Variants in HIPK1 observed in about 807,000 individuals in gnomAD.
The protein encoded by HIPK1 is homeodomain-interacting protein kinase 1.
Under a neutral mutation model 117.1 loss-of-function variants are expected in HIPK1, and 28 were observed. That is an observed-to-expected ratio of 0.24 (90% CI 0.18 to 0.33). The LOEUF is 0.33. Ranked by LOEUF, HIPK1 falls within the 10% of genes least tolerant of loss-of-function variation. The pLI is 1.00. For synonymous variants in HIPK1, 605 were observed against 562.5 expected, an observed-to-expected ratio of 1.08 and a Z score of -1.07; for missense variants, 1,122 against 1,475.1, an observed-to-expected ratio of 0.76 and a Z score of 3.92.
intron 2 of HIPK1, among the ~76,000 whole-genome samples, chr1:113,942,160 G>C (rs571188606): frequency 3.3e-5 from 5 of 151,178 alleles, no homozygotes; most frequent in Non-Finnish European, 4.4e-5. Flanking sequence ...CTGGGGTCAA[G>C]TGATTTCTCC....
chr1:113,948,680 TG>T (rs1671144194), intron 2 of HIPK1, among the ~76,000 whole-genome samples: 1 of 151,984 alleles, frequency 6.6e-6, no homozygotes, highest in African/African-American at 2.4e-5. Context: ...TAGCTGCTTT[TG>T]TCACTCCAAA....
chr1:113,958,263 A>T lies in HIPK1; in HGVS notation c.1953A>T (p.Thr651=), dbSNP rs892709834. The T allele has an allele frequency of 8.7e-6, 14 of 1,614,054 alleles. No individual in the cohort carries two copies. The highest frequency in any genetic ancestry group is 1.2e-5 in the Non-Finnish European group (14 of 1,179,938). ...ICTQTDPFQQ[T]FIVCPPAFQT... is the part of the protein sequence containing the mutation. ...CTCAGACAGATCCATTCCAACAGAC[A>T]TTTATAGTATGTCCACCTGCGTTTC... Residue 651 remains threonine (T), a synonymous_variant, in exon 8 of 16, where the codon ACA becomes ACT. Coordinates refer to ENST00000426820, the MANE Select transcript of HIPK1 (RefSeq NM_198268.3).
At chr1:113,957,014 T>C in intron 6 of HIPK1, 110 bp from the exon 7 acceptor site, 2 of 975,246 alleles carry the variant, frequency 2.1e-6, no homozygotes, top group Non-Finnish European at 1.5e-6. Context: ...TTGATTTATT[T>C]TATCTGAAAG....
intron 9 of HIPK1, 124 bp downstream of exon 9, chr1:113,962,562 T>TA: frequency 1.1e-6 from 1 of 916,720 alleles, no homozygotes; most frequent in East Asian, 2.9e-5. Context: ...TCAGTGGACT[T>TA]AAAATGAAAC....
In HIPK1 at chr1:113,940,542, A is replaced by G. The variant is rs1670580398; in HGVS notation, c.159A>G (p.Gln53=). ...ACAGCAAAACCCTCCCAGCCACACA[A>G]GGGCAAGCCAACTCCTCTCACCAGG... ...YTHSKTLPAT[Q]GQANSSHQVA... Residue 53 remains glutamine, a synonymous_variant, in exon 2 of 16, where the codon CAA becomes CAG. Coordinates refer to ENST00000426820, the MANE Select transcript of HIPK1 (RefSeq NM_198268.3). The G allele has an allele frequency of 6.2e-7, 1 of 1,614,050 alleles. No homozygotes were observed. The highest frequency in any genetic ancestry group is 1.3e-5 in the African/African-American group (1 of 74,916).
In HIPK1 at chr1:113,940,593, C is replaced by T. The variant is rs370037970; in HGVS notation, c.210C>T (p.Tyr70=). The T allele has an allele frequency of 1.5e-5, 25 of 1,614,064 alleles. No homozygotes were observed. The highest frequency in any genetic ancestry group is 1.1e-4 in the East Asian group (5 of 44,904). ...TAGCAAATTTCAACATCCCTGCTTA[C>T]GACCAGGGCCTCCTCCTCCCAGCTC... ...HQVANFNIPA[Y]DQGLLLPAPA... Residue 70 remains tyrosine, a synonymous_variant, in exon 2 of 16, where the codon TAC becomes TAT. Transcript: ENST00000426820.
Position 113,974,807 on chromosome 1 carries a change from A to T in HIPK1, c.*1295A>T, listed in dbSNP as rs1468384714. 1.3e-5 allele frequency: 2 copies of T among 152,638 alleles called. No individual in the cohort carries two copies. Among genetic ancestry groups the T allele is most frequent in the Non-Finnish European group, 2.9e-5 (2 of 68,036 alleles). The allele number at this position is 152,638 out of a possible 1,614,324, so 9.5% of individuals were successfully genotyped here. A position where few individuals can be genotyped will look rare whatever the true frequency, so the allele number is the denominator to read the frequency against. On this transcript the variant is annotated 3_prime_UTR_variant, in exon 16 of 16. Coordinates refer to ENST00000426820, the MANE Select transcript of HIPK1 (RefSeq NM_198268.3). ...ATTGATTAGAAAAATATAACAAGCA[A>T]TTTTTCCTGCTAACCCAAAATGTTA...
intron 1 of HIPK1, among the ~76,000 whole-genome samples, chr1:113,931,563 CTG>C (rs1244541181): frequency 6.6e-6 from 1 of 152,148 alleles, no homozygotes; most frequent in Non-Finnish European, 1.5e-5. Context: ...TCTCTCGACA[CTG>C]TAGTTTTGTG....
Position 113,954,736 on chromosome 1 carries a change from A to T in HIPK1, c.1286A>T (p.Asp429Val). The T allele has an allele frequency of 2.5e-6, 4 of 1,614,048 alleles. No individual in the cohort carries two copies. The highest frequency in any genetic ancestry group is 3.4e-6 in the Non-Finnish European group (4 of 1,179,954). Residue 429 changes from aspartate to valine, a missense_variant, in exon 4 of 16, where the codon GAT (aspartate) becomes GTT (valine). By Grantham distance (152) the Asp-to-Val change is radical. Transcript: ENST00000426820. ...GTKTTRFFNR[D>V]PNLGYPLWRL... ...AAAACAACCAGGTTTTTCAACAGAG[A>T]TCCTAATTTGGGGTACCCACTGTGG...
At position 113,935,008 on chromosome 1, in the gene HIPK1, AG is replaced by A. The variant is rs376533714; in HGVS notation, c.-2-5373del. ...CTGTCTCAAAAAAAAAAAAAAAAAAAGAATCAGCTGTTTTTTTTTTTTAAAC... is the reference window on the plus strand; with the variant it reads ...CTGTCTCAAAAAAAAAAAAAAAAAAAAATCAGCTGTTTTTTTTTTTTAAAC... On this transcript the variant is annotated intron_variant, in intron 1 of 15. Transcript: ENST00000426820. Among the ~76,000 whole-genome samples, 9 of 147,336 alleles carry A rather than the reference AG, an allele frequency of 6.1e-5. No homozygotes were observed. The East Asian group carries it at 9.9e-4, about 16-fold the overall frequency.
chr1:113,953,302 C>A (rs912872477), intron 3 of HIPK1, among the ~76,000 whole-genome samples: 2 of 152,078 alleles, frequency 1.3e-5, no homozygotes, highest in Admixed American at 6.6e-5. Context: ...TTTCTTCAGA[C>A]TGAAACACTT....
intron 1 of HIPK1, among the ~76,000 whole-genome samples, chr1:113,935,088 A>G (rs902607792): frequency 2.0e-5 from 3 of 149,670 alleles, no homozygotes; most frequent in African/African-American, 7.4e-5. Flanking sequence ...GGTAATCTAT[A>G]TGTCACAGGG....
In HIPK1 at chr1:113,973,326, T is replaced by G. The variant is rs1181518263; in HGVS notation, c.3447T>G (p.Pro1149=). ...ATGCTGCAGCCTATACCACTCACCC[T>G]AGCACTTTGGTGCACCAGGTCCCTG... ...SRHAAAYTTH[P]STLVHQVPVS... is the part of the protein sequence containing the mutation. Residue 1149 remains proline (P), a synonymous_variant, in exon 16 of 16, where the codon CCT becomes CCG. Transcript: ENST00000426820. 6.2e-7 allele frequency: 1 copy of G among 1,614,120 alleles called. No individual in the cohort carries two copies. Among genetic ancestry groups the G allele is most frequent in the Non-Finnish European group, 8.5e-7 (1 of 1,180,012 alleles).
intron 1 of HIPK1, among the ~76,000 whole-genome samples, chr1:113,930,251 C>A (rs1255302650): frequency 6.6e-6 from 1 of 152,258 alleles, no homozygotes; most frequent in Non-Finnish European, 1.5e-5. Flanking sequence ...CGTCTCCTCA[C>A]TCGGCCGGTT....
Position 113,975,512 on chromosome 1 carries a change from A to G in HIPK1, c.*2000A>G, listed in dbSNP as rs1397607062. 1 of 152,758 alleles carries G rather than the reference A, an allele frequency of 6.5e-6. No homozygotes were observed. Among genetic ancestry groups the G allele is most frequent in the Non-Finnish European group, 1.5e-5 (1 of 68,044 alleles). The allele number at this position is 152,758 out of a possible 1,614,324, so 9.5% of individuals were successfully genotyped here. A position where few individuals can be genotyped will look rare whatever the true frequency, so the allele number is the denominator to read the frequency against. ...TTAAAGTATGTGCAATCACTTTTAGAATGAATTTTTTTTTCCTTTTCCCAT... is the reference window on the plus strand; with the variant it reads ...TTAAAGTATGTGCAATCACTTTTAGGATGAATTTTTTTTTCCTTTTCCCAT... On this transcript the variant is annotated 3_prime_UTR_variant, in exon 16 of 16. Transcript: ENST00000426820.
intron 1 of HIPK1, among the ~76,000 whole-genome samples, chr1:113,935,396 T>G (rs1416568291): frequency 6.6e-6 from 1 of 152,212 alleles, no homozygotes; most frequent in East Asian, 1.9e-4. Context: ...TATTCCATGG[T>G]GTATATGTAT....
Position 113,929,524 on chromosome 1 carries a change from T to G in HIPK1, c.-11T>G. On this transcript the variant is annotated 5_prime_UTR_variant, in exon 1 of 16. Coordinates refer to ENST00000426820, the MANE Select transcript of HIPK1 (RefSeq NM_198268.3). The stretch of plus-strand genomic sequence containing the variant: ...CCTAGAGAGTCCATTCAGCTGCACT[T>G]CCGCCTCAGTAGGTGTCATGGCGCG... The G allele has an allele frequency of 7.8e-7, 1 of 1,288,784 alleles. No homozygotes were observed. The highest frequency in any genetic ancestry group is 5.5e-5 in the East Asian group (1 of 18,086). 79.8% of individuals were successfully genotyped at this position (1,288,784 alleles called of 1,614,324 possible).
At chr1:113,934,364 T>A (rs887361396) in intron 1 of HIPK1, among the ~76,000 whole-genome samples, 1 of 152,196 alleles carries the variant, frequency 6.6e-6, no homozygotes, top group African/African-American at 2.4e-5. Context: ...TTGCCTATAG[T>A]GCTTATAGTG....
At chr1:113,961,389 G>A (rs967501196) in intron 8 of HIPK1, among the ~76,000 whole-genome samples, 4 of 152,102 alleles carry the variant, frequency 2.6e-5, no homozygotes, top group African/African-American at 9.7e-5. Flanking sequence ...AAACCAGAAT[G>A]TCTGCTTTTA....
Sources: allele counts gnomAD v4.1 joint callset (sites outside exome capture counted in the v4.1 genomes callset), GRCh38; gene constraint gnomAD v4.1.1; transcripts MANE v1.5; gene names NCBI Gene and HGNC (gene_info 2026-07-23, HGNC 2026-07-21).